DENND5B: variants seen among roughly 807,000 people sequenced by gnomAD.
The protein encoded by DENND5B is DENN domain-containing protein 5B.
A neutral mutation model predicts 140.6 loss-of-function variants in DENND5B; 34 were observed. The observed-to-expected ratio is 0.24, with a 90% CI of 0.18 to 0.32. The LOEUF is 0.32. Ranked by LOEUF, DENND5B falls within the 10% of genes least tolerant of loss-of-function variation. The pLI is 1.00. For missense variants in DENND5B, 1,142 were observed against 1,560.2 expected (o/e 0.73, Z 4.52); for synonymous variants, 551 against 562.1 (o/e 0.98, Z 0.28).
At chr12:31,419,542 T>TAG (rs79950547) in intron 11 of DENND5B, among the ~76,000 whole-genome samples, 61,870 of 151,920 alleles carry the variant, frequency 0.41, 13,111 homozygotes, top group East Asian at 0.57. Flanking sequence ...AGCACGTTTG[T>TAG]AGAGGGCAGG....
intron 1 of DENND5B, among the ~76,000 whole-genome samples, chr12:31,497,946 G>A (rs1591927714): frequency 1.0e-5 from 1 of 99,338 alleles, no homozygotes; most frequent in Non-Finnish European, 2.1e-5. Context: ...GAGGGGGCGG[G>A]GAGGAGAGGG....
intron 1 of DENND5B, among the ~76,000 whole-genome samples, chr12:31,525,842 A>C (rs1267432070): frequency 1.3e-5 from 2 of 152,008 alleles, no homozygotes; most frequent in Non-Finnish European, 2.9e-5. Context: ...AAAATATAAA[A>C]ATTGGCCAGG....
In DENND5B at chr12:31,524,006, G is replaced by T. The variant is rs529409088; in HGVS notation, c.128-28087C>A. On this transcript the variant is annotated intron_variant, in intron 1 of 20. Coordinates refer to ENST00000389082, the MANE Select transcript of DENND5B (RefSeq NM_144973.4). ...AATTAACATCTGTAATAGCTCAGTGGGCCTCTTTGTCTTTTAAGTGAAAAC... is the reference window on the plus strand; with the variant it reads ...AATTAACATCTGTAATAGCTCAGTGTGCCTCTTTGTCTTTTAAGTGAAAAC... Among the ~76,000 whole-genome samples the T allele has an allele frequency of 1.1e-3, 171 of 149,828 alleles. 5 individuals carry two copies. The South Asian group carries it at 0.035, about 31-fold the overall frequency.
chr12:31,438,427 G>A (rs1388091840), intron 7 of DENND5B, among the ~76,000 whole-genome samples: 2 of 152,080 alleles, frequency 1.3e-5, no homozygotes, highest in African/African-American at 4.8e-5. Context: ...TCTCAAAATA[G>A]TTTCTTAAGA....
intron 1 of DENND5B, among the ~76,000 whole-genome samples, chr12:31,576,531 A>C (rs954594297): frequency 2.0e-5 from 3 of 151,946 alleles, no homozygotes; most frequent in Non-Finnish European, 4.4e-5. Flanking sequence ...GAAAAAAAGA[A>C]ATTTCCCAGT....
intron 1 of DENND5B, among the ~76,000 whole-genome samples, chr12:31,578,126 CAAAAAAAA>C (rs5797421): frequency 1.3e-5 from 1 of 77,354 alleles, no homozygotes; most frequent in Non-Finnish European, 2.4e-5. Context: ...GACGCTGTCT[CAAAAAAAA>C]AAAAAAAAAA....
chr12:31,587,597 G>T (rs1032826712), intron 1 of DENND5B, among the ~76,000 whole-genome samples: 9 of 135,170 alleles, frequency 6.7e-5, no homozygotes, highest in Admixed American at 1.6e-4. Context: ...GCCCAGGCTG[G>T]AGTGCAGTGG....
chr12:31,431,329 T>C (rs1331107057), intron 8 of DENND5B, among the ~76,000 whole-genome samples: 1 of 152,218 alleles, frequency 6.6e-6, no homozygotes, highest in African/African-American at 2.4e-5. Context: ...TAAGCTAGTA[T>C]GACATAATGG....
rs1950600010 is a variant in DENND5B at position 31,590,963 on chromosome 12, A to AGCCGCCTCTC, written c.-141_-132dup. On this transcript the variant is annotated 5_prime_UTR_variant, in exon 1 of 21. Transcript: ENST00000389082. ...GACACTGGCGCGCCCATGGCCGCGC[A>AGCCGCCTCTC]GCCGCCTCTCGCCGCCGCAGCCTGC... 2 of 1,014,364 alleles carry AGCCGCCTCTC rather than the reference A, an allele frequency of 2.0e-6. No homozygotes were observed. Among genetic ancestry groups the AGCCGCCTCTC allele is most frequent in the Non-Finnish European group, 2.4e-6 (2 of 830,648 alleles). The allele number at this position is 1,014,364 out of a possible 1,614,324, so 62.8% of individuals were successfully genotyped here. A position where few individuals can be genotyped will look rare whatever the true frequency, so the allele number is the denominator to read the frequency against.
chr12:31,467,915 G>T (rs1945353053), intron 3 of DENND5B, among the ~76,000 whole-genome samples: 1 of 152,098 alleles, frequency 6.6e-6, no homozygotes, highest in Non-Finnish European at 1.5e-5. Flanking sequence ...AACAGAGAGA[G>T]AGAGAAAAGC....
intron 2 of DENND5B, among the ~76,000 whole-genome samples, chr12:31,481,058 GAA>G (rs1257425385): frequency 2.6e-5 from 4 of 152,088 alleles, no homozygotes; most frequent in African/African-American, 9.7e-5. Context: ...TGAAATTACA[GAA>G]AAGTTGAAAT....
chr12:31,479,517 C>A (rs1024677832), intron 3 of DENND5B, 72 bp downstream of exon 3: 5 of 1,334,918 alleles, frequency 3.7e-6, no homozygotes, highest in African/African-American at 3.0e-5. Flanking sequence ...TAATAATATA[C>A]CCCATGGAAA....
At chr12:31,394,408 C>T (rs1941319656) in intron 17 of DENND5B, among the ~76,000 whole-genome samples, 1 of 151,994 alleles carries the variant, frequency 6.6e-6, no homozygotes, top group African/African-American at 2.4e-5. Flanking sequence ...GATAATACCC[C>T]CATGAAATTG....
At chr12:31,567,783 C>T (rs1368779980) in intron 1 of DENND5B, among the ~76,000 whole-genome samples, 1 of 152,166 alleles carries the variant, frequency 6.6e-6, no homozygotes, top group African/African-American at 2.4e-5. Context: ...TGCACTCCAG[C>T]CTAGGCAAAC....
intron 1 of DENND5B, among the ~76,000 whole-genome samples, chr12:31,556,048 C>A (rs541517359): frequency 6.6e-6 from 1 of 152,204 alleles, no homozygotes; most frequent in Non-Finnish European, 1.5e-5. Flanking sequence ...GCGCGTGGTG[C>A]GCTGCACCCA....
At chr12:31,417,273 C>T (rs576980007) in intron 11 of DENND5B, among the ~76,000 whole-genome samples, 84 of 143,964 alleles carry the variant, frequency 5.8e-4, no homozygotes, top group Middle Eastern at 4.0e-3. Flanking sequence ...AAGACAATGG[C>T]ATGAACCCGG....
chr12:31,539,891 G>T (rs1592008108), intron 1 of DENND5B, among the ~76,000 whole-genome samples: 1 of 151,928 alleles, frequency 6.6e-6, no homozygotes, highest in Non-Finnish European at 1.5e-5. Context: ...AATCAGACAA[G>T]AGAAAGATAT....
At chr12:31,391,318 T>C (rs909320652) in intron 19 of DENND5B, among the ~76,000 whole-genome samples, 8 of 152,184 alleles carry the variant, frequency 5.3e-5, no homozygotes, top group African/African-American at 1.9e-4. Flanking sequence ...CTCACCTACA[T>C]GAAGTCTGTG....
At chr12:31,545,140 T>C (rs1382705217) in intron 1 of DENND5B, among the ~76,000 whole-genome samples, 1 of 152,202 alleles carries the variant, frequency 6.6e-6, no homozygotes, top group Non-Finnish European at 1.5e-5. Context: ...TTTTATCCTG[T>C]GAAAAAGAAT....
Sources: allele counts gnomAD v4.1 joint callset (sites outside exome capture counted in the v4.1 genomes callset), GRCh38; gene constraint gnomAD v4.1.1; transcripts MANE v1.5; gene names NCBI Gene and HGNC (gene_info 2026-07-23, HGNC 2026-07-21).